Variants in PRKCA observed in about 807,000 individuals in gnomAD.
The protein encoded by PRKCA is protein kinase C alpha type.
PRKCA carries 27 observed loss-of-function variants against 87.0 expected under a neutral mutation model. That is an observed-to-expected ratio of 0.31 (90% CI 0.23 to 0.43). The LOEUF is 0.43. PRKCA is among the 20% of genes least tolerant of loss of function. PRKCA has a pLI of 1.00. For synonymous variants in PRKCA, 329 were observed against 311.1 expected, an observed-to-expected ratio of 1.06 and a Z score of -0.61; for missense variants, 518 against 852.3, an observed-to-expected ratio of 0.61 and a Z score of 4.88.
chr17:66,708,246 G>T (rs539925087), intron 8 of PRKCA, among the ~76,000 whole-genome samples: 1 of 152,192 alleles, frequency 6.6e-6, no homozygotes, highest in African/African-American at 2.4e-5. Context: ...TTAACATTTG[G>T]CACTAGTGCA....
At chr17:66,365,619 T>C (rs1908668655) in intron 2 of PRKCA, among the ~76,000 whole-genome samples, 1 of 152,032 alleles carries the variant, frequency 6.6e-6, no homozygotes, top group African/African-American at 2.4e-5. Flanking sequence ...CTTTGGTACC[T>C]GGAATAAGTC....
intron 14 of PRKCA, 60 bp downstream of exon 14, chr17:66,774,127 C>G: frequency 6.2e-7 from 1 of 1,612,768 alleles, no homozygotes; most frequent in Non-Finnish European, 8.5e-7. Context: ...TACTTCAGCT[C>G]TGGTTGGGCC....
chr17:66,368,381 TATA>T lies in PRKCA; in HGVS notation c.205+62255_205+62257del, dbSNP rs1296199906. Among the ~76,000 whole-genome samples, 245 of 33,926 alleles carry T rather than the reference TATA, an allele frequency of 7.2e-3. 2 individuals carry two copies. The highest frequency in any genetic ancestry group is 0.011 in the Non-Finnish European group (168 of 14,878). 22.3% of individuals were successfully genotyped at this position (33,926 alleles called of 152,430 possible). A position where few individuals can be genotyped will look rare whatever the true frequency, so the allele number is the denominator to read the frequency against. On this transcript the variant is annotated intron_variant, in intron 2 of 16. Coordinates refer to ENST00000413366, the MANE Select transcript of PRKCA (RefSeq NM_002737.3). Reference sequence around the variant, plus strand: ...GTGTATATGTATATATATATATATATATATATTTTTTTTTTTTTTTTTTTTTTT... The same window carrying T: ...GTGTATATGTATATATATATATATATTATTTTTTTTTTTTTTTTTTTTTTT...
chr17:66,562,407 A>G (rs9916253), intron 3 of PRKCA, among the ~76,000 whole-genome samples: 25,655 of 151,462 alleles, frequency 0.17, 2,887 homozygotes, highest in African/African-American at 0.32. Flanking sequence ...TCAGACCTGT[A>G]GAAGGGAAAC....
chr17:66,545,645 C>G (rs1968126547), intron 3 of PRKCA, among the ~76,000 whole-genome samples: 2 of 152,060 alleles, frequency 1.3e-5, no homozygotes. Flanking sequence ...CTGTCAATAT[C>G]AGTTTTTGTG....
chr17:66,429,893 C>T (rs1233933460), intron 2 of PRKCA, among the ~76,000 whole-genome samples: 4 of 152,000 alleles, frequency 2.6e-5, no homozygotes, highest in Admixed American at 1.3e-4. Context: ...TGAAGTGAAA[C>T]CTTTATTCTT....
Position 66,604,104 on chromosome 17 carries a change from T to C in PRKCA, c.289-37251T>C, listed in dbSNP as rs1280752038. Among the ~76,000 whole-genome samples, 4 of 152,248 alleles carry C rather than the reference T, an allele frequency of 2.6e-5. No individual in the cohort carries two copies. The East Asian group carries it at 5.8e-4, about 22-fold the overall frequency. On this transcript the variant is annotated intron_variant, in intron 3 of 16. Coordinates refer to ENST00000413366, the MANE Select transcript of PRKCA (RefSeq NM_002737.3). ...CCGGCTGTCGCTCCCTGCCTCTCCTTGGTGATCGCCTCTGGAACAGAATTT... is the reference window on the plus strand; with the variant it reads ...CCGGCTGTCGCTCCCTGCCTCTCCTCGGTGATCGCCTCTGGAACAGAATTT...
intron 13 of PRKCA, among the ~76,000 whole-genome samples, chr17:66,759,594 G>T (rs1668392836): frequency 6.6e-6 from 1 of 150,934 alleles, no homozygotes; most frequent in South Asian, 2.1e-4. Flanking sequence ...GATTAATCCA[G>T]TTATATCACA....
At chr17:66,506,951 A>T (rs1448504841) in intron 3 of PRKCA, among the ~76,000 whole-genome samples, 1 of 152,188 alleles carries the variant, frequency 6.6e-6, no homozygotes, top group Non-Finnish European at 1.5e-5. Flanking sequence ...CTGCTGTAGG[A>T]GTGCAAATTC....
intron 3 of PRKCA, among the ~76,000 whole-genome samples, chr17:66,586,101 A>G (rs1969588234): frequency 6.6e-6 from 1 of 152,184 alleles, no homozygotes; most frequent in Non-Finnish European, 1.5e-5. Flanking sequence ...TGGTGCGGCA[A>G]AGGGACCTAT....
intron 8 of PRKCA, among the ~76,000 whole-genome samples, chr17:66,727,469 CA>C (rs1394853068): frequency 6.6e-6 from 1 of 152,118 alleles, no homozygotes; most frequent in Non-Finnish European, 1.5e-5. Context: ...AATGAGTGGA[CA>C]GTGAGGTCCC....
chr17:66,687,126 A>G lies in PRKCA; in HGVS notation c.545A>G (p.Asn182Ser), dbSNP rs1446131290. ...CTCTTCACAGTACGAGATGCAAAAA[A>G]TCTAATCCCTATGGATCCAAACGGG... is the stretch of plus-strand genomic sequence containing the variant. ...KLHVTVRDAK[N>S]LIPMDPNGLS... The change falls in exon 6 of 17, where the codon AAT becomes AGT. Residue 182 changes from asparagine to serine, a missense_variant. Physicochemically the swap from Asn to Ser is conservative, Grantham distance 46. This residue lies in a region of PRKCA where 300 missense variants were observed against 496.8 expected (regional missense o/e 0.60). Transcript: ENST00000413366. 1 of 1,612,420 alleles carries G rather than the reference A, an allele frequency of 6.2e-7. No homozygotes were observed. Among genetic ancestry groups the G allele is most frequent in the Admixed American group, 1.7e-5 (1 of 59,894 alleles).
rs1404950949 is a variant in PRKCA at position 66,325,527 on chromosome 17, A to G, written c.205+19400A>G. Among the ~76,000 whole-genome samples the G allele has an allele frequency of 2.0e-5, 3 of 152,182 alleles. No homozygotes were observed. The East Asian group carries it at 5.8e-4, about 29-fold the overall frequency. On this transcript the variant is annotated intron_variant, in intron 2 of 16. Coordinates refer to ENST00000413366, the MANE Select transcript of PRKCA (RefSeq NM_002737.3). ...ACTTGTGTTTGACCTTATAGGAACCATAATTAAGGGTGAAATAGTGGGATC... is the reference window on the plus strand; with the variant it reads ...ACTTGTGTTTGACCTTATAGGAACCGTAATTAAGGGTGAAATAGTGGGATC...
intron 3 of PRKCA, among the ~76,000 whole-genome samples, chr17:66,635,883 G>A (rs376096491): frequency 3.3e-5 from 5 of 152,264 alleles, no homozygotes; most frequent in African/African-American, 1.2e-4. Context: ...GAAGCTGGAT[G>A]AAGGGTATGA....
chr17:66,444,988 G>T (rs1913960282), intron 2 of PRKCA, among the ~76,000 whole-genome samples: 1 of 152,018 alleles, frequency 6.6e-6, no homozygotes. Context: ...CTGACCTTAT[G>T]GGCCCTTTGC....
At chr17:66,710,582 C>T (rs1234603303) in intron 8 of PRKCA, among the ~76,000 whole-genome samples, 4 of 152,130 alleles carry the variant, frequency 2.6e-5, no homozygotes, top group Admixed American at 2.6e-4. Context: ...TAAGGATGCA[C>T]CGCGTGTTCT....
chr17:66,398,218 C>A (rs1157265395), intron 2 of PRKCA: 1 of 152,086 alleles, frequency 6.6e-6, no homozygotes, highest in African/African-American at 2.4e-5. Flanking sequence ...ATCTCTGAGA[C>A]CTGGAAGGAA....
chr17:66,360,330 A>G (rs1158871346), intron 2 of PRKCA, among the ~76,000 whole-genome samples: 1 of 152,220 alleles, frequency 6.6e-6, no homozygotes, highest in East Asian at 1.9e-4. Context: ...CTGTTTTAGT[A>G]CTTGGGGGTG....
At chr17:66,794,008 A>G (rs994286428) in intron 16 of PRKCA, among the ~76,000 whole-genome samples, 8 of 152,224 alleles carry the variant, frequency 5.3e-5, no homozygotes, top group Non-Finnish European at 1.0e-4. Flanking sequence ...CATAAGGTTA[A>G]TTGATTTTTC....
Sources: allele counts gnomAD v4.1 joint callset (sites outside exome capture counted in the v4.1 genomes callset), GRCh38; gene constraint gnomAD v4.1.1; regional missense constraint gnomAD v4.1.1; transcripts MANE v1.5; gene names NCBI Gene and HGNC (gene_info 2026-07-23, HGNC 2026-07-21).